Variants in TRPV6 observed in about 807,000 individuals in gnomAD.
TRPV6 encodes transient receptor potential cation channel subfamily V member 6, also known as Alu-binding protein with zinc finger domain.
A neutral mutation model predicts 79.0 loss-of-function variants in TRPV6; 39 were observed. The observed-to-expected ratio is 0.49, with a 90% confidence interval of 0.38 to 0.64. TRPV6 has a LOEUF of 0.64. Ranked by LOEUF, TRPV6 falls within the 30% of genes least tolerant of loss-of-function variation. The probability of loss-of-function intolerance (pLI) is 0.00; values close to 1 mark genes in which losing one functional copy is unlikely to be tolerated. For missense variants in TRPV6, 813 were observed against 1,011.1 expected (o/e 0.80, Z 2.66); for synonymous variants, 373 against 391.9 (o/e 0.95, Z 0.57).
rs1449719381 is a variant in TRPV6 at position 142,876,407 on chromosome 7, CCA to C, written c.881_882del (p.Val294AspfsTer25). 5 of 1,612,870 alleles carry C rather than the reference CCA, an allele frequency of 3.1e-6. No homozygotes were observed. The Admixed American group carries it at 6.7e-5, about 22-fold the overall frequency. ...CCTCAGGGATGGGGACCGTCTCTCACCACAGTGTTACCCTCCACTCCAGCCAG... is the reference window on the plus strand; with the variant it reads ...CCTCAGGGATGGGGACCGTCTCTCACCAGTGTTACCCTCCACTCCAGCCAG... On this transcript the variant is annotated frameshift_variant and splice_region_variant, in exon 6 of 15. Transcript: ENST00000359396. LOFTEE classifies it high-confidence loss of function.
At position 142,873,777 on chromosome 7, in the gene TRPV6, G is replaced by C. The variant is rs1041456124; in HGVS notation, c.1640-61C>G. On this transcript the variant is annotated intron_variant, in intron 12 of 14. Transcript: ENST00000359396. The surrounding 1 kb of genome is among the most constrained non-coding windows in gnomAD (Gnocchi z 4.8). Reference sequence around the variant, plus strand: ...ACCATGCAGACGACCAGCCCACCCCGGGCTCTGCGTGCATGTCCATCCTGG... The same window carrying C: ...ACCATGCAGACGACCAGCCCACCCCCGGCTCTGCGTGCATGTCCATCCTGG... 15 of 1,599,856 alleles carry C rather than the reference G, an allele frequency of 9.4e-6. No homozygotes were observed. Among genetic ancestry groups the C allele is most frequent in the Non-Finnish European group, 1.1e-5 (13 of 1,169,982 alleles).
rs201693115 is a variant in TRPV6, at chr7:142,875,154, A to T, written c.1253T>A (p.Met418Lys). 1.2e-6 allele frequency: 2 copies of T among 1,614,076 alleles called. No homozygotes were observed. Among genetic ancestry groups the T allele is most frequent in the South Asian group, 2.2e-5 (2 of 91,078 alleles). ...CAGCCGGATATCGTCCTTAGGGGTC[A>T]TGTAGGCTTCCTAATGGGGGAGAAG... is the stretch of plus-strand genomic sequence containing the variant. Residue 418 changes from methionine (M) to lysine (K), a missense_variant, in exon 9 of 15, where the codon ATG becomes AAG. Met to Lys is a moderately conservative substitution (Grantham distance 95). Transcript: ENST00000359396.
chr7:142,873,859 T>G lies in TRPV6; in HGVS notation c.1640-143A>C. On this transcript the variant is annotated intron_variant, in intron 12 of 14. Transcript: ENST00000359396. The surrounding 1 kb of genome is among the most constrained non-coding windows in gnomAD (Gnocchi z 4.8). ...TGCTCCAAACTTTGGGTTTTTACGG[T>G]CCCTAGTTTTGTATGAGCCTCATCT... The G allele has an allele frequency of 4.0e-6, 5 of 1,243,134 alleles. No homozygotes were observed. The South Asian group carries it at 7.3e-5, about 18-fold the overall frequency. 77.0% of individuals were successfully genotyped at this position (1,243,134 alleles called of 1,614,324 possible). A position where few individuals can be genotyped will look rare whatever the true frequency, so the allele number is the denominator to read the frequency against.
chr7:142,885,115 G>A (rs574629482), intron 1 of TRPV6: 35 of 281,398 alleles, frequency 1.2e-4, no homozygotes, highest in African/African-American at 5.0e-4. Flanking sequence ...CCAGCAAGAC[G>A]CCTGGCCCTT....
chr7:142,877,556 C>G lies in TRPV6; in HGVS notation c.469+95G>C, dbSNP rs903037880. 4.5e-6 allele frequency: 7 copies of G among 1,539,318 alleles called. No homozygotes were observed. In the African/African-American group the frequency reaches 8.3e-5, roughly 18 times the overall value. On this transcript the variant is annotated intron_variant, in intron 3 of 14. Coordinates refer to ENST00000359396, the MANE Select transcript of TRPV6 (RefSeq NM_018646.6). ...GAAAAAAAGAGTAGGAGGCTCAGAT[C>G]CCCTGTGTCTTTCCCAAATTATCCA...
rs933800853 is a variant in TRPV6, at chr7:142,874,950, G to A, written c.1360C>T (p.Arg454Cys). Residue 454 changes from arginine to cysteine, a missense_variant, in exon 10 of 15, where the codon CGC becomes TGC. Coordinates refer to ENST00000359396, the MANE Select transcript of TRPV6 (RefSeq NM_018646.6). Reference sequence around the variant, plus strand: ...CCAAGGATGGTCTGTCCAAAGAAGCGAGTGACCCCCATTCTGAAGATGTCT... The same window carrying A: ...CCAAGGATGGTCTGTCCAAAGAAGCAAGTGACCCCCATTCTGAAGATGTCT... The A allele has an allele frequency of 2.4e-5, 39 of 1,613,958 alleles. 1 individual carries two copies. Among genetic ancestry groups the A allele is most frequent in the Admixed American group, 5.0e-5 (3 of 59,970 alleles).
Position 142,885,702 on chromosome 7 carries a change from A to C in TRPV6, c.-66T>G. The C allele has an allele frequency of 1.4e-6, 1 of 737,050 alleles. No homozygotes were observed. Among genetic ancestry groups the C allele is most frequent in the African/African-American group, 1.8e-5 (1 of 55,960 alleles). The allele number at this position is 737,050 out of a possible 1,614,324, so 45.7% of individuals were successfully genotyped here. A position where few individuals can be genotyped will look rare whatever the true frequency, so the allele number is the denominator to read the frequency against. ...CCCAGCAGCCCCAGCCAGTTTGGAG[A>C]GGGCTGTGAGTTTGTTACACTTGGC... On this transcript the variant is annotated 5_prime_UTR_variant, in exon 1 of 15. Transcript: ENST00000359396.
In TRPV6 at chr7:142,873,849, G is replaced by A. The variant is rs1794996304; in HGVS notation, c.1640-133C>T. 8 of 1,309,184 alleles carry A rather than the reference G, an allele frequency of 6.1e-6. No homozygotes were observed. The Admixed American group carries it at 1.3e-4, about 21-fold the overall frequency. 81.1% of individuals were successfully genotyped at this position (1,309,184 alleles called of 1,614,324 possible). ...AGCTCTGCAGTGCTCCAAACTTTGG[G>A]TTTTTACGGTCCCTAGTTTTGTATG... On this transcript the variant is annotated intron_variant, in intron 12 of 14. Transcript: ENST00000359396. The surrounding 1 kb of genome is among the most constrained non-coding windows in gnomAD (Gnocchi z 4.8).
At position 142,885,367 on chromosome 7, in the gene TRPV6, G is replaced by C. The variant is rs770906665; in HGVS notation, c.248+22C>G. 3.1e-6 allele frequency: 5 copies of C among 1,601,318 alleles called. No homozygotes were observed. In the South Asian group the frequency reaches 5.6e-5, roughly 18 times the overall value. ...TGCAGGCCTGGGGAGGTGGGGAAGGGAGCAGACCAAGGGGGCCTTACCTCT... is the reference window on the plus strand; with the variant it reads ...TGCAGGCCTGGGGAGGTGGGGAAGGCAGCAGACCAAGGGGGCCTTACCTCT... On this transcript the variant is annotated intron_variant, in intron 1 of 14. Transcript: ENST00000359396.
chr7:142,875,561 G>C lies in TRPV6; in HGVS notation c.1149C>G (p.Phe383Leu). The C allele has an allele frequency of 6.2e-7, 1 of 1,613,410 alleles. No individual in the cohort carries two copies. The highest frequency in any genetic ancestry group is 8.5e-7 in the Non-Finnish European group (1 of 1,179,960). The change falls in exon 8 of 15, where the codon TTC becomes TTG. Residue 383 changes from phenylalanine to leucine, a missense_variant. Around this residue, in one of 3 missense-constraint regions of TRPV6, gnomAD observed 555 missense variants for 631.0 expected, o/e 0.88. Transcript: ENST00000359396. ...GGGGGCGGTAGATGCAGCACATGGT[G>C]AAGCAGATGATGTACAGCAGATATA...
At chr7:142,884,459 G>A (rs1795258476) in intron 1 of TRPV6, 1 of 152,296 alleles carries the variant, frequency 6.6e-6, no homozygotes, top group Admixed American at 6.5e-5. Flanking sequence ...CAACAGGCAG[G>A]ACTTCCTTCT....
At position 142,873,025 on chromosome 7, in the gene TRPV6, TCTG is replaced by T. The variant is rs762082579; in HGVS notation, c.1908+420_1908+422del. Among the ~76,000 whole-genome samples, 6 of 152,334 alleles carry T rather than the reference TCTG, an allele frequency of 3.9e-5. No individual in the cohort carries two copies. The highest frequency in any genetic ancestry group is 4.1e-4 in the South Asian group (2 of 4,822). On this transcript the variant is annotated intron_variant, in intron 13 of 14. Transcript: ENST00000359396. This position sits in a 1 kb window ranked among gnomAD's most constrained non-coding sequence, Gnocchi z 4.8. ...CTTGAAGATCTGGCTGAAGATAGCTTCTGCTACTATAGGAAGTTTTGGTGGCAT... is the reference window on the plus strand; with the variant it reads ...CTTGAAGATCTGGCTGAAGATAGCTTCTACTATAGGAAGTTTTGGTGGCAT...
At chr7:142,881,959 G>A (rs1326377826) in intron 1 of TRPV6, 1 of 152,208 alleles carries the variant, frequency 6.6e-6, no homozygotes, top group Non-Finnish European at 1.5e-5. Context: ...GAGCTAGAAA[G>A]CCCCTCAGAA....
Position 142,878,107 on chromosome 7 carries a change from AT to A in TRPV6, c.249-82del, listed in dbSNP as rs1795117143. The stretch of plus-strand genomic sequence containing the variant: ...GGAGAGGCCCTGGCTTGACTCCATT[AT>A]TATACACAGATGTGTGTGCCTCAGC... On this transcript the variant is annotated intron_variant, in intron 1 of 14. Transcript: ENST00000359396. The A allele has an allele frequency of 1.7e-5, 20 of 1,165,602 alleles. No homozygotes were observed. The South Asian group carries it at 2.5e-4, about 14-fold the overall frequency. 72.2% of individuals were successfully genotyped at this position (1,165,602 alleles called of 1,614,324 possible).
chr7:142,879,325 A>C (rs544052024), intron 1 of TRPV6: 1 of 152,268 alleles, frequency 6.6e-6, no homozygotes, highest in South Asian at 2.1e-4. Flanking sequence ...TCTTCTCTGA[A>C]TCCCCAGATC....
intron 1 of TRPV6, chr7:142,878,890 G>A (rs535113389): frequency 1.3e-5 from 2 of 152,302 alleles, no homozygotes; most frequent in African/African-American, 4.8e-5. Context: ...AAGATTTCCA[G>A]CTGATTCCTG....
chr7:142,877,788 G>A lies in TRPV6; in HGVS notation c.347-15C>T, dbSNP rs572291056. 2.5e-6 allele frequency: 4 copies of A among 1,614,160 alleles called. No individual in the cohort carries two copies. In the South Asian group the frequency reaches 4.4e-5, roughly 18 times the overall value. ...CCCCATGGCTCCTGGCATTTACAGA[G>A]AGGTGGGTTATATGGCTTCTGTGGG... is the stretch of plus-strand genomic sequence containing the variant. On this transcript the variant is annotated splice_polypyrimidine_tract_variant and intron_variant, in intron 2 of 14. Coordinates refer to ENST00000359396, the MANE Select transcript of TRPV6 (RefSeq NM_018646.6).
At position 142,871,615 on chromosome 7, in the gene TRPV6, G is replaced by T; in HGVS notation, c.*92C>A. 1 of 1,460,868 alleles carries T rather than the reference G, an allele frequency of 6.8e-7. No homozygotes were observed. The highest frequency in any genetic ancestry group is 9.2e-7 in the Non-Finnish European group (1 of 1,082,054). 90.5% of individuals were successfully genotyped at this position (1,460,868 alleles called of 1,614,324 possible). On this transcript the variant is annotated 3_prime_UTR_variant, in exon 15 of 15. Transcript: ENST00000359396. ...CTCCTCTTTCTCCCCTGGGGCCTGGGAGATGAGACCTCTGGGTGTTTGGTT... is the reference window on the plus strand; with the variant it reads ...CTCCTCTTTCTCCCCTGGGGCCTGGTAGATGAGACCTCTGGGTGTTTGGTT...
intron 1 of TRPV6, chr7:142,880,067 A>G (rs1795161706): frequency 6.6e-6 from 1 of 152,238 alleles, no homozygotes; most frequent in Non-Finnish European, 1.5e-5. Context: ...ATCAGCAGCA[A>G]TGCCAAAAGG....
Sources: allele counts gnomAD v4.1 joint callset (sites outside exome capture counted in the v4.1 genomes callset), GRCh38; gene constraint gnomAD v4.1.1; regional missense constraint gnomAD v4.1.1; non-coding constraint Gnocchi (gnomAD v3.1); transcripts MANE v1.5; gene names NCBI Gene and HGNC (gene_info 2026-07-23, HGNC 2026-07-21).